The following CYP11B2 variants were observed in gnomAD, a reference collection of about 807,000 sequenced individuals.
The protein encoded by CYP11B2 is cytochrome P450 family 11 subfamily B member 2.
CYP11B2 carries 38 observed loss-of-function variants against 49.3 expected under a neutral mutation model. That is an observed-to-expected ratio of 0.77 (90% confidence interval 0.59 to 1.01). CYP11B2 has a LOEUF of 1.01. Among genes scored for constraint, CYP11B2 ranks in the 50% least tolerant of loss-of-function variants. The probability of loss-of-function intolerance (pLI) is 0.00; values close to 1 mark genes in which losing one functional copy is unlikely to be tolerated. For synonymous variants in CYP11B2, 290 were observed against 269.3 expected (o/e 1.08, Z -0.75); for missense variants, 669 against 655.5 (o/e 1.02, Z -0.23).
chr8:142,915,089 C>A lies in CYP11B2; in HGVS notation c.552G>T (p.Leu184=), dbSNP rs749748375. 8.1e-6 allele frequency: 13 copies of A among 1,613,752 alleles called. No homozygotes were observed. In the South Asian group the frequency reaches 1.4e-4, roughly 18 times the overall value. Reference sequence around the variant, plus strand: ...AGATGCTGGGCTGGACGTCCAGGGTCAGGCTCCCCCGGGCGTTCTGCAGCA... The same window carrying A: ...AGATGCTGGGCTGGACGTCCAGGGTAAGGCTCCCCCGGGCGTTCTGCAGCA... ...KKVLQNARGS[L]TLDVQPSIFH... The change falls in exon 3 of 9, where the codon CTG becomes CTT. Residue 184 remains leucine (L), a synonymous_variant. Coordinates refer to ENST00000323110, the MANE Select transcript of CYP11B2 (RefSeq NM_000498.3).
chr8:142,914,163 C>T (rs1817592919), intron 5 of CYP11B2, 101 bp downstream of exon 5: 2 of 1,376,146 alleles, frequency 1.5e-6, no homozygotes, highest in Non-Finnish European at 2.1e-6. Context: ...GGCCTGTAGC[C>T]TGGGGATGGG....
intron 1 of CYP11B2, 151 bp from the exon 2 acceptor site, chr8:142,917,365 CT>C (rs1817666019): frequency 7.0e-7 from 1 of 1,425,276 alleles, no homozygotes. Flanking sequence ...TCCCTGGAAC[CT>C]TTCAACTTTA....
At position 142,915,159 on chromosome 8, in the gene CYP11B2, A is replaced by G; in HGVS notation, c.482T>C (p.Val161Ala). Residue 161 changes from valine to alanine, a missense_variant, in exon 3 of 9, where the codon GTG becomes GCG. Transcript: ENST00000323110. ...PKAVQRFLPM[V>A]DAVARDFSQA... ...GGAGAAGTCCCTGGCCACTGCATCC[A>G]CCATCGGGAGGAACCTCTGCACGGC... The G allele has an allele frequency of 6.2e-7, 1 of 1,614,002 alleles. No homozygotes were observed. The highest frequency in any genetic ancestry group is 8.5e-7 in the Non-Finnish European group (1 of 1,179,964).
intron 1 of CYP11B2, among the ~76,000 whole-genome samples, 163 bp from the exon 2 acceptor site, chr8:142,917,377 G>A (rs755768644): frequency 1.3e-5 from 2 of 152,224 alleles, no homozygotes; most frequent in African/African-American, 2.4e-5. Context: ...TTCAACTTTA[G>A]TGCTTCTGAG....
At chr8:142,912,945 T>A (rs4736320) in intron 6 of CYP11B2, 60 bp from the exon 7 acceptor site, 181,465 of 1,524,628 alleles carry the variant, frequency 0.12, 18,344 homozygotes, top group African/African-American at 0.53. Flanking sequence ...CTGTGCTCTC[T>A]GCACCCTTCC....
rs61758590 is a variant in CYP11B2 at position 142,917,502 on chromosome 8, C to T, written c.239+100G>A. ...CCATCCTCCAAAGGATGCAGAGTGC[C>T]GGGACCTGCTGGGAATGGCAGTGCT... is the stretch of plus-strand genomic sequence containing the variant. On this transcript the variant is annotated intron_variant, in intron 1 of 8. Coordinates refer to ENST00000323110, the MANE Select transcript of CYP11B2 (RefSeq NM_000498.3). The T allele has an allele frequency of 0.029, 46,737 of 1,612,882 alleles. 5,239 individuals are homozygous for T. The African/African-American group carries it at 0.35, about 12-fold the overall frequency.
intron 2 of CYP11B2, among the ~76,000 whole-genome samples, 170 bp downstream of exon 2, chr8:142,916,889 T>G (rs531875731): frequency 3.7e-4 from 56 of 152,156 alleles, no homozygotes; most frequent in East Asian, 7.7e-4. Context: ...CAACCCACAG[T>G]GCAGACGCGA....
At chr8:142,913,512 C>T (rs1231440662) in intron 5 of CYP11B2, 61 bp from the exon 6 acceptor site, 1 of 1,607,266 alleles carries the variant, frequency 6.2e-7, no homozygotes, top group Non-Finnish European at 8.5e-7. Context: ...CCCGGGACAC[C>T]CCTCCCAGGA....
At chr8:142,917,326 G>A (rs1255913275) in intron 1 of CYP11B2, 112 bp from the exon 2 acceptor site, 5 of 1,425,434 alleles carry the variant, frequency 3.5e-6, no homozygotes, top group African/African-American at 1.4e-5. Flanking sequence ...CTGGATTAGC[G>A]GCTTCACAGC....
Position 142,914,164 on chromosome 8 carries a change from T to G in CYP11B2, c.954+100A>C, listed in dbSNP as rs770256907. The G allele has an allele frequency of 4.0e-4, 558 of 1,378,654 alleles. 1 individual carries two copies. Among genetic ancestry groups the G allele is most frequent in the Middle Eastern group, 7.1e-4 (4 of 5,604 alleles). 85.4% of individuals were successfully genotyped at this position (1,378,654 alleles called of 1,614,324 possible). ...CAACAGAAATGTGGGGCCTGTAGCC[T>G]GGGGATGGGGAACGTGGGTGCCGTG... On this transcript the variant is annotated intron_variant, in intron 5 of 8. Coordinates refer to ENST00000323110, the MANE Select transcript of CYP11B2 (RefSeq NM_000498.3).
chr8:142,914,975 C>T, intron 3 of CYP11B2, 67 bp from the exon 4 acceptor site: 1 of 1,611,228 alleles, frequency 6.2e-7, no homozygotes, highest in East Asian at 2.2e-5. Context: ...CCCACACTCC[C>T]TTCAGTCCTC....
At chr8:142,916,339 A>G in intron 2 of CYP11B2, 2 of 448,738 alleles carry the variant, frequency 4.5e-6, no homozygotes, top group South Asian at 3.1e-5. Context: ...TTCCCTTCCT[A>G]CCATGGAGTG....
rs375242946 is a variant in CYP11B2 at position 142,915,164 on chromosome 8, C to T, written c.477G>A (p.Pro159=). Residue 159 remains proline (P), a synonymous_variant, in exon 3 of 9, where the codon CCG becomes CCA. Transcript: ENST00000323110. ...LSPKAVQRFL[P]MVDAVARDFS... is the part of the protein sequence containing the mutation. ...AGTCCCTGGCCACTGCATCCACCAT[C>T]GGGAGGAACCTCTGCACGGCCTTGG... 629 of 1,614,158 alleles carry T rather than the reference C, an allele frequency of 3.9e-4. 2 individuals carry two copies. The highest frequency in any genetic ancestry group is 2.0e-3 in the South Asian group (179 of 91,064).
rs191882973 is a variant in CYP11B2, at chr8:142,917,672, T to G, written c.169A>C (p.Arg57=). 4.8e-4 allele frequency: 768 copies of G among 1,614,222 alleles called. 3 individuals are homozygous for G. The highest frequency in any genetic ancestry group is 5.2e-5 in the Non-Finnish European group (61 of 1,180,036). ...NRWLRLLQIW[R]EQGYEHLHLE... ...TGCAGGTGCTCATAACCCTGCTCCC[T>G]CCAGATCTGCAGCAGCCTCAGCCAC... The change falls in exon 1 of 9, where the codon AGG becomes CGG. Residue 57 remains arginine (R), a synonymous_variant. Transcript: ENST00000323110.
In CYP11B2 at chr8:142,915,675, ACC is replaced by A. The variant is rs1817632249; in HGVS notation, c.396-432_396-431del. Among the ~76,000 whole-genome samples the A allele has an allele frequency of 1.6e-5, 2 of 127,196 alleles. 1 individual carries two copies. Among genetic ancestry groups the A allele is most frequent in the Admixed American group, 1.6e-4 (2 of 12,726 alleles). The allele number at this position is 127,196 out of a possible 152,430, so 83.4% of individuals were successfully genotyped here. A position where few individuals can be genotyped will look rare whatever the true frequency, so the allele number is the denominator to read the frequency against. ...AGCCCCTGGCTGCCCTCTCCTCCCCACCCTTCCCCGCCCTGGGCACAGTGCCT... is the reference window on the plus strand; with the variant it reads ...AGCCCCTGGCTGCCCTCTCCTCCCCACTTCCCCGCCCTGGGCACAGTGCCT... On this transcript the variant is annotated intron_variant, in intron 2 of 8. Coordinates refer to ENST00000323110, the MANE Select transcript of CYP11B2 (RefSeq NM_000498.3).
At position 142,912,046 on chromosome 8, in the gene CYP11B2, C is replaced by T. The variant is rs370145104; in HGVS notation, c.1446G>A (p.Lys482=). 1.9e-6 allele frequency: 3 copies of T among 1,614,076 alleles called. No individual in the cohort carries two copies. Among genetic ancestry groups the T allele is most frequent in the Non-Finnish European group, 2.5e-6 (3 of 1,179,980 alleles). Residue 482 remains lysine (K), a synonymous_variant, in exon 9 of 9, where the codon AAG becomes AAA. Coordinates refer to ENST00000323110, the MANE Select transcript of CYP11B2 (RefSeq NM_000498.3). ...LVETLTQEDI[K]MVYSFILRPG... Reference sequence around the variant, plus strand: ...GCCTCAATATGAAGCTGTAGACCATCTTTATGTCCTCTTGAGTTAGTGTCT... The same window carrying T: ...GCCTCAATATGAAGCTGTAGACCATTTTTATGTCCTCTTGAGTTAGTGTCT...
Position 142,911,953 on chromosome 8 carries a change from G to T in CYP11B2, c.*27C>A, listed in dbSNP as rs376181634. 6.8e-6 allele frequency: 11 copies of T among 1,613,732 alleles called. No individual in the cohort carries two copies. The African/African-American group carries it at 1.5e-4, about 22-fold the overall frequency. On this transcript the variant is annotated 3_prime_UTR_variant, in exon 9 of 9. Transcript: ENST00000323110. ...CAGGCAGAGGGAAGCTGGTGGCCAG[G>T]CTGGGACCCTGGGTGCAGATGCAAG...
chr8:142,915,014 T>G (rs1177233333), intron 3 of CYP11B2, 32 bp downstream of exon 3: 2 of 1,612,980 alleles, frequency 1.2e-6, no homozygotes, highest in Admixed American at 1.7e-5. Flanking sequence ...CTCCAGGGTC[T>G]CTGGGGCTGG....
intron 1 of CYP11B2, 62 bp from the exon 2 acceptor site, chr8:142,917,276 A>G: frequency 6.4e-7 from 1 of 1,573,790 alleles, no homozygotes; most frequent in Non-Finnish European, 8.7e-7. Flanking sequence ...CCCACCCTGC[A>G]GTCCCAATCC....
Sources: gnomAD v4.1 joint callset for allele counts (sites outside exome capture counted in the v4.1 genomes callset) on GRCh38, gnomAD v4.1.1 for gene constraint, MANE v1.5 for transcripts, NCBI Gene and HGNC (gene_info 2026-07-23, HGNC 2026-07-21) for gene names.